Variants in PRKN observed in about 807,000 individuals in gnomAD.
PRKN encodes the protein E3 ubiquitin-protein ligase parkin.
PRKN carries 56 observed loss-of-function variants against 59.5 expected under a neutral mutation model. That is an observed-to-expected ratio of 0.94 (90% CI 0.76 to 1.18). The LOEUF (loss-of-function observed/expected upper bound fraction) is 1.18. PRKN is among the 50% of genes most tolerant of loss of function. The pLI is 0.00. For missense variants in PRKN, 657 were observed against 596.4 expected (o/e 1.10, Z -1.06); for synonymous variants, 250 against 222.1 (o/e 1.13, Z -1.12).
intron 5 of PRKN, among the ~76,000 whole-genome samples, chr6:161,993,048 C>A (rs537577929): frequency 1.4e-4 from 21 of 151,330 alleles, no homozygotes; most frequent in Admixed American, 2.0e-4. Context: ...CCTTAAAGAA[C>A]TAGAAAAGAA....
chr6:161,553,564 A>G (rs1780121115), intron 8 of PRKN, among the ~76,000 whole-genome samples: 1 of 152,224 alleles, frequency 6.6e-6, no homozygotes, highest in Non-Finnish European at 1.5e-5. Context: ...AGTCATTAAT[A>G]TTCAGTAACT....
chr6:162,066,905 T>C (rs929738087), intron 4 of PRKN, among the ~76,000 whole-genome samples: 3 of 152,228 alleles, frequency 2.0e-5, no homozygotes, highest in Admixed American at 1.3e-4. Context: ...TCTTCTTTTA[T>C]GGTAACAGAA....
chr6:162,070,991 C>T (rs1778551770), intron 4 of PRKN, among the ~76,000 whole-genome samples: 1 of 151,992 alleles, frequency 6.6e-6, no homozygotes, highest in Admixed American at 6.5e-5. Flanking sequence ...AGGCCTGAGC[C>T]TGGAAATGGG....
chr6:162,253,760 T>C (rs1779530760), intron 3 of PRKN, among the ~76,000 whole-genome samples: 1 of 137,850 alleles, frequency 7.3e-6, no homozygotes, highest in Non-Finnish European at 1.6e-5. Context: ...GAGTCAACTA[T>C]TATTAAAAAA....
chr6:162,529,511 T>G (rs1697716872), intron 1 of PRKN, among the ~76,000 whole-genome samples: 1 of 152,186 alleles, frequency 6.6e-6, no homozygotes, highest in Non-Finnish European at 1.5e-5. Context: ...CAAACACCTC[T>G]GTGTTCTGCA....
intron 9 of PRKN, among the ~76,000 whole-genome samples, chr6:161,492,582 A>G (rs1777599662): frequency 6.6e-6 from 1 of 152,218 alleles, no homozygotes; most frequent in South Asian, 2.1e-4. Flanking sequence ...TAGACACCAC[A>G]TATTAGGAGG....
chr6:162,580,842 C>T (rs35818596), intron 1 of PRKN, among the ~76,000 whole-genome samples: 4 of 152,094 alleles, frequency 2.6e-5, no homozygotes, highest in Admixed American at 6.5e-5. Flanking sequence ...GAATCCTGAG[C>T]GCTTGCTGAG....
chr6:162,304,275 C>G lies in PRKN; in HGVS notation c.172-41510G>C, dbSNP rs1205426847. Among the ~76,000 whole-genome samples the G allele has an allele frequency of 2.7e-5, 4 of 150,520 alleles. 1 individual carries two copies. Among genetic ancestry groups the G allele is most frequent in the African/African-American group, 9.8e-5 (4 of 40,752 alleles). On this transcript the variant is annotated intron_variant, in intron 2 of 11. Coordinates refer to ENST00000366898, the MANE Select transcript of PRKN (RefSeq NM_004562.3). ...AGTCAGTTTTCATCTTTTATTTATG[C>G]TGTTTTTTTCTCCTATGTACACACT...
chr6:161,974,800 A>T (rs1474471764), intron 5 of PRKN, among the ~76,000 whole-genome samples: 1 of 152,202 alleles, frequency 6.6e-6, no homozygotes, highest in East Asian at 1.9e-4. Context: ...TTGATCTGGT[A>T]TTGACAAACT....
intron 7 of PRKN, among the ~76,000 whole-genome samples, chr6:161,696,329 C>G (rs1328067815): frequency 6.6e-6 from 1 of 152,142 alleles, no homozygotes; most frequent in African/African-American, 2.4e-5. Flanking sequence ...TTGGAAGTTT[C>G]TAAACTCTGC....
intron 3 of PRKN, among the ~76,000 whole-genome samples, chr6:162,252,530 T>C (rs1268906648): frequency 6.6e-6 from 1 of 152,166 alleles, no homozygotes; most frequent in Non-Finnish European, 1.5e-5. Context: ...CATTCAGACA[T>C]AAGAAATTTG....
intron 1 of PRKN, among the ~76,000 whole-genome samples, chr6:162,603,148 G>A (rs886495044): frequency 5.3e-5 from 8 of 152,092 alleles, no homozygotes; most frequent in Admixed American, 5.2e-4. Context: ...CCCTATCTGA[G>A]TATATTACTG....
At chr6:161,625,446 G>A (rs1038618371) in intron 7 of PRKN, among the ~76,000 whole-genome samples, 6 of 152,046 alleles carry the variant, frequency 3.9e-5, no homozygotes, top group African/African-American at 1.5e-4. Flanking sequence ...ATGGCATTAG[G>A]AGAAATACCT....
At chr6:162,397,479 T>C (rs1583500126) in intron 2 of PRKN, among the ~76,000 whole-genome samples, 1 of 151,984 alleles carries the variant, frequency 6.6e-6, no homozygotes, top group East Asian at 1.9e-4. Flanking sequence ...CACACGGCTG[T>C]ACTAGATATT....
chr6:161,438,891 G>C (rs1427109607), intron 9 of PRKN, among the ~76,000 whole-genome samples: 1 of 152,114 alleles, frequency 6.6e-6, no homozygotes, highest in East Asian at 1.9e-4. Flanking sequence ...TTTTGTTTAA[G>C]AAATATAAGC....
intron 9 of PRKN, among the ~76,000 whole-genome samples, chr6:161,516,475 AAAAAAAAAAAAAAAAAAAG>A (rs1778595278): frequency 8.9e-6 from 1 of 112,848 alleles, no homozygotes; most frequent in Non-Finnish European, 1.8e-5. Context: ...TCTAAAAAAA[AAAAAAAAAAAAAAAAAAAG>A]AAGAAGAAGA....
chr6:161,674,676 T>G (rs534689434), intron 7 of PRKN, among the ~76,000 whole-genome samples: 1 of 152,352 alleles, frequency 6.6e-6, no homozygotes, highest in South Asian at 2.1e-4. Context: ...CTGACATTTA[T>G]GATCAGAACT....
At chr6:162,166,883 T>C (rs896463681) in intron 4 of PRKN, among the ~76,000 whole-genome samples, 1 of 152,146 alleles carries the variant, frequency 6.6e-6, no homozygotes, top group African/African-American at 2.4e-5. Flanking sequence ...CCCTGCACTA[T>C]AAACTCAACT....
At chr6:162,100,500 A>G (rs1779922684) in intron 4 of PRKN, among the ~76,000 whole-genome samples, 1 of 147,878 alleles carries the variant, frequency 6.8e-6, no homozygotes, top group Admixed American at 6.8e-5. Flanking sequence ...CCCAGGCTGG[A>G]GTGCAATCTC....
Sources: gnomAD v4.1 joint callset for allele counts (sites outside exome capture counted in the v4.1 genomes callset) on GRCh38, gnomAD v4.1.1 for gene constraint, MANE v1.5 for transcripts, NCBI Gene and HGNC (gene_info 2026-07-23, HGNC 2026-07-21) for gene names.